The following VTI1A variants were observed in gnomAD, a reference collection of about 807,000 sequenced individuals.
The protein encoded by VTI1A is vesicle transport through interaction with t-SNAREs 1A, also known as vesicle transport through interaction with t-SNAREs homolog 1A.
In VTI1A, 22 loss-of-function variants were observed where a neutral mutation model predicts 34.9. The observed-to-expected ratio is 0.63, with a 90% CI of 0.45 to 0.90. The LOEUF is 0.90. VTI1A is among the 40% of genes least tolerant of loss of function. The probability of loss-of-function intolerance (pLI) is 0.00; values close to 1 mark genes in which losing one functional copy is unlikely to be tolerated. For missense variants in VTI1A, 268 were observed against 275.6 expected (o/e 0.97, Z 0.20); for synonymous variants, 87 against 97.3 (o/e 0.89, Z 0.62).
At position 112,752,415 on chromosome 10, in the gene VTI1A, G is replaced by A. The variant is rs1468697156; in HGVS notation, c.561-62875G>A. 4.1e-6 allele frequency: 4 copies of A among 985,238 alleles called. No homozygotes were observed. The East Asian group carries it at 4.5e-4, about 112-fold the overall frequency. The allele number at this position is 985,238 out of a possible 1,614,324, so 61.0% of individuals were successfully genotyped here. On this transcript the variant is annotated intron_variant, in intron 7 of 7. Coordinates refer to ENST00000393077, the MANE Select transcript of VTI1A (RefSeq NM_145206.4). ...AGCAGAGCTGATATCTCTTTACCGG[G>A]GAGTCAGCTTCACCAGCCACAGCTG...
At chr10:112,627,993 G>T (rs1456853175) in intron 5 of VTI1A, among the ~76,000 whole-genome samples, 1 of 152,192 alleles carries the variant, frequency 6.6e-6, no homozygotes, top group Non-Finnish European at 1.5e-5. Context: ...CCCCGCGCGT[G>T]TGTTGGAGAA....
intron 7 of VTI1A, among the ~76,000 whole-genome samples, chr10:112,807,182 T>A (rs927573929): frequency 6.6e-6 from 1 of 152,102 alleles, no homozygotes; most frequent in Non-Finnish European, 1.5e-5. Context: ...GGTGGAGACG[T>A]GGAAAACAGT....
chr10:112,613,750 T>C (rs1845406779), intron 5 of VTI1A, among the ~76,000 whole-genome samples: 1 of 152,220 alleles, frequency 6.6e-6, no homozygotes, highest in Non-Finnish European at 1.5e-5. Flanking sequence ...TCATGCTATC[T>C]CCTGACAGGC....
At chr10:112,724,733 T>C (rs1253522143) in intron 7 of VTI1A, among the ~76,000 whole-genome samples, 1 of 151,482 alleles carries the variant, frequency 6.6e-6, no homozygotes, top group Non-Finnish European at 1.5e-5. Flanking sequence ...AGCTTGCCTG[T>C]CTTGCTTGCT....
intron 7 of VTI1A, among the ~76,000 whole-genome samples, chr10:112,688,525 T>C (rs916758622): frequency 5.4e-5 from 8 of 149,036 alleles, no homozygotes; most frequent in African/African-American, 1.7e-4. Flanking sequence ...TTTTTTCTTT[T>C]TTTTTTTTTT....
At chr10:112,740,797 A>G (rs182287466) in intron 7 of VTI1A, among the ~76,000 whole-genome samples, 7 of 152,336 alleles carry the variant, frequency 4.6e-5, no homozygotes, top group Non-Finnish European at 7.3e-5. Flanking sequence ...AGTTTACCCT[A>G]TGATCCAGCA....
intron 7 of VTI1A, among the ~76,000 whole-genome samples, chr10:112,722,580 T>C (rs1255925442): frequency 1.3e-5 from 2 of 152,186 alleles, no homozygotes; most frequent in Non-Finnish European, 2.9e-5. Flanking sequence ...TCTTTGTGAC[T>C]ATCCAAGAGA....
intron 7 of VTI1A, among the ~76,000 whole-genome samples, chr10:112,806,505 C>T (rs191348056): frequency 6.6e-6 from 1 of 152,020 alleles, no homozygotes; most frequent in Non-Finnish European, 1.5e-5. Flanking sequence ...AGGCTGGTCT[C>T]AAACTCCTGA....
intron 3 of VTI1A, among the ~76,000 whole-genome samples, chr10:112,520,088 G>T (rs767260264): frequency 6.6e-6 from 1 of 151,878 alleles, no homozygotes; most frequent in East Asian, 1.9e-4. Flanking sequence ...CATTAACAAA[G>T]AAAATAATAA....
intron 5 of VTI1A, among the ~76,000 whole-genome samples, chr10:112,651,867 A>G (rs1847036954): frequency 6.6e-6 from 1 of 152,188 alleles, no homozygotes; most frequent in Non-Finnish European, 1.5e-5. Flanking sequence ...ATCAAAGGAA[A>G]AGTTTTAGCC....
chr10:112,533,744 A>T (rs1850528090), intron 4 of VTI1A, among the ~76,000 whole-genome samples: 1 of 151,974 alleles, frequency 6.6e-6, no homozygotes. Flanking sequence ...AATCATGCTT[A>T]TCTCAGGGAT....
chr10:112,638,821 CTT>C (rs772004875), intron 5 of VTI1A, among the ~76,000 whole-genome samples: 2 of 115,124 alleles, frequency 1.7e-5, no homozygotes, highest in Non-Finnish European at 1.8e-5. Flanking sequence ...ACAGGTTGGG[CTT>C]TTTTTTTTTT....
chr10:112,702,113 G>A (rs965693874), intron 7 of VTI1A, among the ~76,000 whole-genome samples: 5 of 152,134 alleles, frequency 3.3e-5, no homozygotes, highest in Admixed American at 2.6e-4. Flanking sequence ...TTTGGGTAGG[G>A]CTGTGGGGTG....
At chr10:112,515,768 T>A (rs1276767764) in intron 3 of VTI1A, among the ~76,000 whole-genome samples, 25 of 152,020 alleles carry the variant, frequency 1.6e-4, no homozygotes, top group Admixed American at 1.6e-3. Context: ...GTTTGTGGCT[T>A]TTTTTTGGTA....
chr10:112,474,505 G>T (rs1848213582), intron 3 of VTI1A, among the ~76,000 whole-genome samples: 2 of 148,238 alleles, frequency 1.3e-5, no homozygotes, highest in Non-Finnish European at 1.5e-5. Context: ...ACCCAGGCTA[G>T]TGTACAGTGG....
intron 5 of VTI1A, among the ~76,000 whole-genome samples, chr10:112,632,008 T>A (rs1237077616): frequency 6.6e-6 from 1 of 152,188 alleles, no homozygotes; most frequent in Admixed American, 6.5e-5. Flanking sequence ...TATAACAATA[T>A]AATTGTAATT....
chr10:112,743,106 A>G (rs1445275751), intron 7 of VTI1A, among the ~76,000 whole-genome samples: 1 of 151,802 alleles, frequency 6.6e-6, no homozygotes, highest in African/African-American at 2.4e-5. Context: ...TTTTATTTGT[A>G]TATACAAAGA....
chr10:112,537,888 C>T (rs777762009), intron 4 of VTI1A, among the ~76,000 whole-genome samples: 10 of 152,046 alleles, frequency 6.6e-5, no homozygotes, highest in Non-Finnish European at 1.3e-4. Context: ...AAAATAAATA[C>T]AAATAGGGAA....
chr10:112,845,772 C>T, the VTI1A span, among the ~76,000 whole-genome samples: 2 of 152,202 alleles, frequency 1.3e-5, no homozygotes, highest in Non-Finnish European at 2.9e-5. Flanking sequence ...AATCCCAGCA[C>T]TTTGGGAGGC....
Sources: allele counts gnomAD v4.1 joint callset (sites outside exome capture counted in the v4.1 genomes callset), GRCh38; gene constraint gnomAD v4.1.1; transcripts MANE v1.5; gene names NCBI Gene and HGNC (gene_info 2026-07-23, HGNC 2026-07-21).